IGF1R: variants seen among roughly 807,000 people sequenced by gnomAD.
The protein encoded by IGF1R is insulin-like growth factor 1 receptor.
Under a neutral mutation model 144.6 loss-of-function variants are expected in IGF1R, and 44 were observed. That is an observed-to-expected ratio of 0.30 (90% CI 0.24 to 0.39). The LOEUF (loss-of-function observed/expected upper bound fraction) is 0.39, where lower values mean the gene tolerates loss of function less well. Among genes scored for constraint, IGF1R ranks in the 10% least tolerant of loss-of-function variants. The pLI is 1.00. For synonymous variants in IGF1R, 795 were observed against 722.8 expected (o/e 1.10, Z -1.60); for missense variants, 1,355 against 1,833.7 (o/e 0.74, Z 4.77).
chr15:98,913,723 T>A (rs1198762826), intron 8 of IGF1R, among the ~76,000 whole-genome samples: 1 of 152,230 alleles, frequency 6.6e-6, no homozygotes, highest in African/African-American at 2.4e-5. Flanking sequence ...CAACAAAAGT[T>A]GAAAGCCTGC....
intron 11 of IGF1R, 160 bp from the exon 12 acceptor site, chr15:98,923,716 C>G (rs1432933441): frequency 4.5e-6 from 3 of 665,332 alleles, no homozygotes; most frequent in Non-Finnish European, 8.2e-6. Flanking sequence ...CTGATCTCCA[C>G]TGTCCTGCCC....
chr15:98,834,824 C>T (rs924232490), intron 2 of IGF1R, among the ~76,000 whole-genome samples: 3 of 152,152 alleles, frequency 2.0e-5, no homozygotes, highest in African/African-American at 7.2e-5. Context: ...AGGAGTAAAC[C>T]TAGCAATAAA....
intron 1 of IGF1R, among the ~76,000 whole-genome samples, chr15:98,664,067 A>G (rs2052665631): frequency 6.6e-6 from 1 of 152,208 alleles, no homozygotes; most frequent in Non-Finnish European, 1.5e-5. Context: ...ACAGTTCTGC[A>G]AGAGACTTCC....
rs533971663 is a variant in IGF1R, at chr15:98,653,044, T to C, written c.94+3369T>C. On this transcript the variant is annotated intron_variant, in intron 1 of 20. Coordinates refer to ENST00000650285, the MANE Select transcript of IGF1R (RefSeq NM_000875.5). ...TTGACAGGCTGATGTCTCTCTCTCT[T>C]TTCATTTATGAGTTTTTCAGATCCG... Among the ~76,000 whole-genome samples, 9 of 152,244 alleles carry C rather than the reference T, an allele frequency of 5.9e-5. No homozygotes were observed. The South Asian group carries it at 6.2e-4, about 11-fold the overall frequency.
intron 5 of IGF1R, among the ~76,000 whole-genome samples, chr15:98,903,333 A>C (rs1321086234): frequency 2.0e-5 from 3 of 152,222 alleles, no homozygotes; most frequent in Non-Finnish European, 1.5e-5. Flanking sequence ...AAGTAGATGG[A>C]GGGTGGTGAG....
chr15:98,909,268 T>C (rs111475853), intron 6 of IGF1R, among the ~76,000 whole-genome samples: 48 of 9,268 alleles, frequency 5.2e-3, no homozygotes, highest in Non-Finnish European at 0.012. Context: ...TTTCTTTTTT[T>C]TTTTTTTTTT....
intron 2 of IGF1R, among the ~76,000 whole-genome samples, chr15:98,865,115 G>T (rs991763986): frequency 6.6e-6 from 1 of 152,188 alleles, no homozygotes; most frequent in African/African-American, 2.4e-5. Flanking sequence ...CTTACAGTAG[G>T]ATACATGATT....
chr15:98,932,572 T>C (rs2015986796), intron 15 of IGF1R, among the ~76,000 whole-genome samples: 1 of 152,198 alleles, frequency 6.6e-6, no homozygotes. Context: ...CTCCATGTTT[T>C]ATGGCAGGCT....
At chr15:98,722,886 A>G (rs2054276639) in intron 2 of IGF1R, among the ~76,000 whole-genome samples, 1 of 152,144 alleles carries the variant, frequency 6.6e-6, no homozygotes, top group Non-Finnish European at 1.5e-5. Context: ...CAGTGGAATC[A>G]GGAGCATCTC....
At chr15:98,697,621 G>A (rs2053624159) in intron 1 of IGF1R, among the ~76,000 whole-genome samples, 1 of 152,040 alleles carries the variant, frequency 6.6e-6, no homozygotes, top group South Asian at 2.1e-4. Flanking sequence ...GGTTCTCGGT[G>A]GTGGACGGGC....
At chr15:98,885,509 T>C (rs1380890530) in intron 2 of IGF1R, among the ~76,000 whole-genome samples, 3 of 152,106 alleles carry the variant, frequency 2.0e-5, no homozygotes, top group Admixed American at 6.5e-5. Flanking sequence ...ACTTTGGAGG[T>C]TGAAGCTCAC....
At chr15:98,861,561 A>C (rs767421245) in intron 2 of IGF1R, among the ~76,000 whole-genome samples, 4 of 152,166 alleles carry the variant, frequency 2.6e-5, no homozygotes, top group Non-Finnish European at 5.9e-5. Flanking sequence ...TTGCAAGCAA[A>C]ACTTGTTTTC....
Position 98,724,775 on chromosome 15 carries a change from C to T in IGF1R, c.640+16668C>T, listed in dbSNP as rs920734711. 3.3e-5 allele frequency among the ~76,000 whole-genome samples: 5 copies of T among 152,270 alleles called. 1 individual carries two copies. The highest frequency in any genetic ancestry group is 4.1e-4 in the South Asian group (2 of 4,826). On this transcript the variant is annotated intron_variant, in intron 2 of 20. Coordinates refer to ENST00000650285, the MANE Select transcript of IGF1R (RefSeq NM_000875.5). ...CACAGAAAGAAGACAGAGGGAGCCC[C>T]GGATGCCTCGGTATCCCTCAGAGCC... is the stretch of plus-strand genomic sequence containing the variant.
intron 5 of IGF1R, among the ~76,000 whole-genome samples, chr15:98,904,680 C>T (rs1272794128): frequency 2.6e-5 from 4 of 152,148 alleles, no homozygotes; most frequent in Admixed American, 6.5e-5. Context: ...TAGAGACAGC[C>T]GTGAAGAGGC....
chr15:98,705,336 G>C (rs1488775542), intron 1 of IGF1R, among the ~76,000 whole-genome samples: 1 of 152,156 alleles, frequency 6.6e-6, no homozygotes, highest in Non-Finnish European at 1.5e-5. Flanking sequence ...AAGCTCAGTC[G>C]GAGTGGGTTA....
rs577308578 is a variant in IGF1R at position 98,806,005 on chromosome 15, C to A, written c.641-85320C>A. ...GAGTAGCAGGTATGGGGTGCCCACA[C>A]TTCTGTCTGACTTGCCTGAAAGGTT... On this transcript the variant is annotated intron_variant, in intron 2 of 20. Coordinates refer to ENST00000650285, the MANE Select transcript of IGF1R (RefSeq NM_000875.5). Among the ~76,000 whole-genome samples, 4 of 152,330 alleles carry A rather than the reference C, an allele frequency of 2.6e-5. No homozygotes were observed. The East Asian group carries it at 7.7e-4, about 29-fold the overall frequency.
intron 2 of IGF1R, among the ~76,000 whole-genome samples, chr15:98,756,674 C>T (rs1263460699): frequency 1.3e-5 from 2 of 151,806 alleles, no homozygotes; most frequent in South Asian, 4.2e-4. Flanking sequence ...TTTTTCCATT[C>T]CTTTAAGTTT....
chr15:98,663,608 T>A (rs2052652218), intron 1 of IGF1R, among the ~76,000 whole-genome samples: 1 of 152,190 alleles, frequency 6.6e-6, no homozygotes, highest in African/African-American at 2.4e-5. Context: ...TGTTGTTCGT[T>A]TGCTGGGGCA....
In IGF1R at chr15:98,791,126, A is replaced by G. The variant is rs377730698; in HGVS notation, c.640+83019A>G. Among the ~76,000 whole-genome samples, 360 of 152,324 alleles carry G rather than the reference A, an allele frequency of 2.4e-3. 1 individual carries two copies. The highest frequency in any genetic ancestry group is 8.3e-3 in the African/African-American group (346 of 41,568). On this transcript the variant is annotated intron_variant, in intron 2 of 20. Coordinates refer to ENST00000650285, the MANE Select transcript of IGF1R (RefSeq NM_000875.5). ...GATGATGGGTTGTTGGTTAGAAATT[A>G]CTTAAAAATGCCTAATACATTATTG...
Sources: gnomAD v4.1 joint callset for allele counts (sites outside exome capture counted in the v4.1 genomes callset) on GRCh38, gnomAD v4.1.1 for gene constraint, MANE v1.5 for transcripts, NCBI Gene and HGNC (gene_info 2026-07-23, HGNC 2026-07-21) for gene names.